Variants in ANHX observed in about 807,000 individuals in gnomAD.
ANHX encodes anomalous homeobox.
Under a neutral mutation model 38.9 loss-of-function variants are expected in ANHX, and 20 were observed. That is an observed-to-expected ratio of 0.51 (90% CI 0.36 to 0.75). The LOEUF (loss-of-function observed/expected upper bound fraction) is 0.75, where lower values mean the gene tolerates loss of function less well. ANHX is among the 30% of genes least tolerant of loss of function. The probability of loss-of-function intolerance (pLI) is 0.00; values close to 1 mark genes in which losing one functional copy is unlikely to be tolerated. For missense variants in ANHX, 475 were observed against 493.1 expected (o/e 0.96, Z 0.35); for synonymous variants, 185 against 203.1 (o/e 0.91, Z 0.76).
At chr12:133,234,574 C>A in intron 1 of ANHX, 196 bp from the exon 2 acceptor site, 1 of 618,874 alleles carries the variant, frequency 1.6e-6, no homozygotes, top group East Asian at 3.0e-5. Flanking sequence ...CCTTCTAATC[C>A]CCCAAATACT....
In ANHX at chr12:133,234,365, G is replaced by A. The variant is rs1411781604; in HGVS notation, c.-9C>T. The A allele has an allele frequency of 1.3e-6, 2 of 1,530,548 alleles. No individual in the cohort carries two copies. Among genetic ancestry groups the A allele is most frequent in the Non-Finnish European group, 8.8e-7 (1 of 1,142,618 alleles). The allele number at this position is 1,530,548 out of a possible 1,614,324, so 94.8% of individuals were successfully genotyped here. The stretch of plus-strand genomic sequence containing the variant: ...GTCAGGAAGCTCTGCATCCTGTGCT[G>A]GGTCGTGGCCACTCTGCCAACACAA... On this transcript the variant is annotated 5_prime_UTR_variant, in exon 2 of 10. Coordinates refer to ENST00000545940, the MANE Select transcript of ANHX (RefSeq NM_001372060.1).
At chr12:133,227,272 C>T in intron 4 of ANHX, 120 bp from the exon 5 acceptor site, 1 of 1,089,678 alleles carries the variant, frequency 9.2e-7, no homozygotes, top group Non-Finnish European at 1.3e-6. Flanking sequence ...AGCCTAACCT[C>T]TCCAAGGACA....
intron 7 of ANHX, among the ~76,000 whole-genome samples, chr12:133,225,020 C>G (rs1031671650): frequency 1.3e-4 from 19 of 151,742 alleles, no homozygotes; most frequent in African/African-American, 4.4e-4. Flanking sequence ...GAATTCATAG[C>G]TCCAGTTTCC....
intron 1 of ANHX, 102 bp downstream of exon 1, chr12:133,235,705 C>A (rs1327767185): frequency 3.0e-5 from 4 of 134,368 alleles, no homozygotes; most frequent in South Asian, 2.5e-4. Flanking sequence ...GCGCGCCCCT[C>A]ACCCTCTGGG....
At position 133,227,851 on chromosome 12, in the gene ANHX, C is replaced by CA; in HGVS notation, c.473dup (p.Asn159GlufsTer8). 2 of 1,535,326 alleles carry CA rather than the reference C, an allele frequency of 1.3e-6. No individual in the cohort carries two copies. The highest frequency in any genetic ancestry group is 1.7e-6 in the Non-Finnish European group (2 of 1,146,652). On this transcript the variant is annotated frameshift_variant, in exon 4 of 10. Coordinates refer to ENST00000545940, the MANE Select transcript of ANHX (RefSeq NM_001372060.1). LOFTEE classifies it high-confidence loss of function. ...TCTCAGCCTTGCTGGGGTTGGTGTT[C>CA]ACCCCCACAGCGAAATTGTGCAGCT... is the stretch of plus-strand genomic sequence containing the variant.
intron 9 of ANHX, 144 bp downstream of exon 9, chr12:133,219,139 T>C (rs1593950993): frequency 3.0e-6 from 3 of 1,002,696 alleles, no homozygotes; most frequent in Non-Finnish European, 4.4e-6. Context: ...TCCAGTAATG[T>C]CCAGCCACAA....
At chr12:133,222,112 T>G (rs1323190183) in intron 7 of ANHX, among the ~76,000 whole-genome samples, 1 of 152,216 alleles carries the variant, frequency 6.6e-6, no homozygotes, top group Non-Finnish European at 1.5e-5. Flanking sequence ...GGGACCTTCC[T>G]GACCATGTGC....
chr12:133,227,023 C>T lies in ANHX; in HGVS notation c.631G>A (p.Gly211Ser), dbSNP rs1018094046. Residue 211 changes from glycine to serine, a missense_variant, in exon 5 of 10, where the codon GGT (glycine) becomes AGT (serine). Transcript: ENST00000545940. The stretch of plus-strand genomic sequence containing the variant: ...AGGTCAGGACCCCTCTCCCTCGCAC[C>T]AGGGTCTTCAGCTGTGGCCTGCTGG... Reference protein sequence around the residue: ...PAQQATAEDPGARERGPDLLQ... With the variant: ...PAQQATAEDPSARERGPDLLQ... 4.2e-5 allele frequency: 65 copies of T among 1,535,740 alleles called. No homozygotes were observed. Among genetic ancestry groups the T allele is most frequent in the Non-Finnish European group, 3.6e-5 (41 of 1,146,776 alleles).
chr12:133,231,929 T>C (rs1279227471), intron 2 of ANHX, among the ~76,000 whole-genome samples: 1 of 152,174 alleles, frequency 6.6e-6, no homozygotes, highest in African/African-American at 2.4e-5. Context: ...CAGTCTTGAA[T>C]GGGCCCCTTC....
intron 3 of ANHX, among the ~76,000 whole-genome samples, chr12:133,230,167 T>C (rs935146867): frequency 5.3e-5 from 8 of 152,220 alleles, no homozygotes; most frequent in African/African-American, 1.7e-4. Context: ...GTCAGTTCCA[T>C]GGAGGCAGAG....
In ANHX at chr12:133,231,583, C is replaced by T. The variant is rs756419511; in HGVS notation, c.311G>A (p.Arg104His). The T allele has an allele frequency of 1.7e-4, 259 of 1,536,112 alleles. 1 individual carries two copies. Among genetic ancestry groups the T allele is most frequent in the Admixed American group, 7.5e-4 (38 of 51,000 alleles). The change falls in exon 3 of 10, where the codon CGT becomes CAT. Residue 104 changes from arginine to histidine, a missense_variant. By Grantham distance (29) the Arg-to-His change is conservative. Transcript: ENST00000545940. ...CACGCCCAGCCTCCTCATGACCAGA[C>T]GGTAGTGGATGTCGTTCCAGAGCTG... is the stretch of plus-strand genomic sequence containing the variant. ...LVQLWNDIHY[R>H]LVMRRLGVAA...
At chr12:133,219,825 C>T (rs1957084407) in intron 8 of ANHX, among the ~76,000 whole-genome samples, 1 of 152,142 alleles carries the variant, frequency 6.6e-6, no homozygotes, top group Non-Finnish European at 1.5e-5. Context: ...TTCACAGCAG[C>T]TTTATCTGTG....
chr12:133,231,731 G>A, intron 2 of ANHX, 87 bp from the exon 3 acceptor site: 1 of 1,479,738 alleles, frequency 6.8e-7, no homozygotes, highest in Non-Finnish European at 9.0e-7. Flanking sequence ...AACCGACTCA[G>A]CCTTGGGGAA....
Position 133,234,284 on chromosome 12 carries a change from C to G in ANHX, c.73G>C (p.Ala25Pro). 1 of 1,536,156 alleles carries G rather than the reference C, an allele frequency of 6.5e-7. No homozygotes were observed. The highest frequency in any genetic ancestry group is 8.7e-7 in the Non-Finnish European group (1 of 1,146,898). ...CAPPAELVTL[A>P]GRLCRDFQDD... ...TGGAAGTCCCGGCACAGTCTGCCCG[C>G]AAGGGTCACCAGCTCCGCCGGGGGT... Residue 25 changes from alanine (A) to proline (P), a missense_variant, in exon 2 of 10, where the codon GCG becomes CCG. Coordinates refer to ENST00000545940, the MANE Select transcript of ANHX (RefSeq NM_001372060.1).
Position 133,234,102 on chromosome 12 carries a change from G to A in ANHX, c.249+6C>T. On this transcript the variant is annotated splice_donor_region_variant and intron_variant, in intron 2 of 9. Transcript: ENST00000545940. Reference sequence around the variant, plus strand: ...TCTGTACCCTACCCCTGTAGCCCAGGCCTACCTCCAGGAGGCGGCAAGCCG... The same window carrying A: ...TCTGTACCCTACCCCTGTAGCCCAGACCTACCTCCAGGAGGCGGCAAGCCG... 3 of 1,535,168 alleles carry A rather than the reference G, an allele frequency of 2.0e-6. No individual in the cohort carries two copies. The highest frequency in any genetic ancestry group is 2.6e-6 in the Non-Finnish European group (3 of 1,146,808).
chr12:133,235,144 C>T (rs1278331272), intron 1 of ANHX: 1 of 152,264 alleles, frequency 6.6e-6, no homozygotes, highest in Non-Finnish European at 1.5e-5. Flanking sequence ...CGCCATCTCA[C>T]CCGGGTCCTG....
At chr12:133,227,177 A>G in intron 4 of ANHX, 25 bp from the exon 5 acceptor site, 1 of 1,521,986 alleles carries the variant, frequency 6.6e-7, no homozygotes, top group Non-Finnish European at 8.8e-7. Context: ...CAAGACTTCT[A>G]GCCCTGCTTC....
intron 7 of ANHX, among the ~76,000 whole-genome samples, chr12:133,222,447 G>A (rs1957122210): frequency 6.6e-6 from 1 of 152,136 alleles, no homozygotes; most frequent in South Asian, 2.1e-4. Flanking sequence ...GGTTTCAATA[G>A]ACAGAACAAA....
chr12:133,235,487 C>G (rs1275553522), intron 1 of ANHX: 1 of 152,524 alleles, frequency 6.6e-6, no homozygotes, highest in Non-Finnish European at 1.5e-5. Flanking sequence ...CCCAGCCCCC[C>G]TACCTTTCTG....
Sources: gnomAD v4.1 joint callset for allele counts (sites outside exome capture counted in the v4.1 genomes callset) on GRCh38, gnomAD v4.1.1 for gene constraint, MANE v1.5 for transcripts, NCBI Gene and HGNC (gene_info 2026-07-23, HGNC 2026-07-21) for gene names.